Variants in VPS37B observed in about 807,000 individuals in gnomAD.
VPS37B encodes vacuolar protein sorting-associated protein 37B.
Under a neutral mutation model 21.2 loss-of-function variants are expected in VPS37B, and 11 were observed. The observed-to-expected ratio is 0.52, with a 90% confidence interval of 0.33 to 0.86. VPS37B has a LOEUF of 0.86. VPS37B is among the 40% of genes least tolerant of loss of function. VPS37B has a pLI of 0.03. For missense variants in VPS37B, 389 were observed against 374.8 expected (o/e 1.04, Z -0.31); for synonymous variants, 175 against 159.6 (o/e 1.10, Z -0.73).
At chr12:122,886,113 T>A (rs956930285) in intron 1 of VPS37B, 1 of 152,208 alleles carries the variant, frequency 6.6e-6, no homozygotes, top group Non-Finnish European at 1.5e-5. Flanking sequence ...ATTGTCCTTA[T>A]GAATATCAAG....
At position 122,870,959 on chromosome 12, in the gene VPS37B, G is replaced by A. The variant is rs139458326; in HGVS notation, c.214C>T (p.Arg72Cys). The A allele has an allele frequency of 6.6e-5, 107 of 1,614,048 alleles. No homozygotes were observed. The highest frequency in any genetic ancestry group is 2.9e-4 in the East Asian group (13 of 44,896). Reference protein sequence around the residue: ...YQPQLDTLKARLTQKYQELQV... With the variant: ...YQPQLDTLKACLTQKYQELQV... ...AGTTCCTGGTATTTCTGGGTCAAGC[G>A]TGCTTTCAACGTGTCCAGCTGGGGC... Residue 72 changes from arginine to cysteine, a missense_variant, in exon 2 of 4, where the codon CGC becomes TGC. Arg to Cys is a radical substitution (Grantham distance 180, BLOSUM62 -3). Coordinates refer to ENST00000267202, the MANE Select transcript of VPS37B (RefSeq NM_024667.3).
chr12:122,894,173 A>G (rs1437101524), intron 1 of VPS37B, among the ~76,000 whole-genome samples: 1 of 152,258 alleles, frequency 6.6e-6, no homozygotes, highest in Non-Finnish European at 1.5e-5. Context: ...CAGCAACTGA[A>G]AAGCAGAGAA....
At chr12:122,885,055 T>C (rs2034301383) in intron 1 of VPS37B, 1 of 152,224 alleles carries the variant, frequency 6.6e-6, no homozygotes, top group East Asian at 1.9e-4. Context: ...ACTCATCTTC[T>C]ATTCCGTTTA....
chr12:122,885,245 T>G (rs1358619496), intron 1 of VPS37B: 3 of 151,688 alleles, frequency 2.0e-5, no homozygotes, highest in Non-Finnish European at 2.9e-5. Context: ...GCCTAGACAC[T>G]TAAGACTTAC....
chr12:122,874,447 A>T (rs954705195), intron 1 of VPS37B: 2 of 152,216 alleles, frequency 1.3e-5, no homozygotes, highest in African/African-American at 4.8e-5. Context: ...ATGCATCTAC[A>T]AACAAAATCT....
Position 122,868,330 on chromosome 12 carries a change from C to T in VPS37B, c.366+150G>A, listed in dbSNP as rs374738576. ...CCTGCCTGGCACTTTCCCCAGCACA[C>T]AGGCCAGGCTGCCTGCTGGTATACA... is the stretch of plus-strand genomic sequence containing the variant. On this transcript the variant is annotated intron_variant, in intron 3 of 3. Transcript: ENST00000267202. This position sits in a 1 kb window ranked among gnomAD's most constrained non-coding sequence, Gnocchi z 5.5. 179 of 712,496 alleles carry T rather than the reference C, an allele frequency of 2.5e-4. No homozygotes were observed. In the East Asian group the frequency reaches 3.7e-3, roughly 15 times the overall value. The allele number at this position is 712,496 out of a possible 1,614,324, so 44.1% of individuals were successfully genotyped here. A position where few individuals can be genotyped will look rare whatever the true frequency, so the allele number is the denominator to read the frequency against.
In VPS37B at chr12:122,896,051, G is replaced by C. The variant is rs750950263; in HGVS notation, c.12C>G (p.Ala4=). 1.9e-5 allele frequency: 30 copies of C among 1,581,450 alleles called. No homozygotes were observed. Among genetic ancestry groups the C allele is most frequent in the Admixed American group, 3.5e-5 (2 of 57,652 alleles). The change falls in exon 1 of 4, where the codon GCC becomes GCG. Residue 4 remains alanine (A), a synonymous_variant. Transcript: ENST00000267202. Reference sequence around the variant, plus strand: ...GCCCGGCGAACCGGGCTTCGCTCCCGGCGCCCGCCATCCCCACGTCTCGGC... The same window carrying C: ...GCCCGGCGAACCGGGCTTCGCTCCCCGCGCCCGCCATCCCCACGTCTCGGC... MAG[A]GSEARFAGLS...
At chr12:122,872,440 C>G in intron 1 of VPS37B, 5 of 985,464 alleles carry the variant, frequency 5.1e-6, no homozygotes, top group Non-Finnish European at 6.0e-6. Flanking sequence ...TCTCCCAACT[C>G]TAAAGTAAAA....
chr12:122,879,266 TC>T (rs2034208875), intron 1 of VPS37B: 1 of 152,460 alleles, frequency 6.6e-6, no homozygotes. Flanking sequence ...CCACTGTCTA[TC>T]CTGCTCTGTG....
chr12:122,885,195 C>G (rs1280502934), intron 1 of VPS37B: 1 of 151,196 alleles, frequency 6.6e-6, no homozygotes, highest in Non-Finnish European at 1.5e-5. Context: ...ACTATATAAT[C>G]ATATTTCATG....
At chr12:122,878,010 G>A (rs2034183745) in intron 1 of VPS37B, 1 of 152,174 alleles carries the variant, frequency 6.6e-6, no homozygotes, top group Admixed American at 6.5e-5. Context: ...AGGAAGGTGA[G>A]GTTCCTTTCC....
intron 1 of VPS37B, chr12:122,872,066 T>C: frequency 1.0e-6 from 1 of 985,464 alleles, no homozygotes; most frequent in African/African-American, 1.7e-5. Context: ...TAATATTTTC[T>C]ACCACCCCAC....
At position 122,868,633 on chromosome 12, in the gene VPS37B, G is replaced by T; in HGVS notation, c.284-71C>A. The T allele has an allele frequency of 7.6e-7, 1 of 1,320,720 alleles. No homozygotes were observed. The highest frequency in any genetic ancestry group is 1.1e-6 in the Non-Finnish European group (1 of 935,110). 81.8% of individuals were successfully genotyped at this position (1,320,720 alleles called of 1,614,324 possible). A position where few individuals can be genotyped will look rare whatever the true frequency, so the allele number is the denominator to read the frequency against. ...TAAAGCCCTTCATGATGCCAACCAC[G>T]GCAGGATTGCACCTTCCTTTCCAGG... On this transcript the variant is annotated intron_variant, in intron 2 of 3. Coordinates refer to ENST00000267202, the MANE Select transcript of VPS37B (RefSeq NM_024667.3). This position sits in a 1 kb window ranked among gnomAD's most constrained non-coding sequence, Gnocchi z 5.5.
intron 1 of VPS37B, chr12:122,883,897 T>C (rs556364429): frequency 1.2e-4 from 18 of 152,372 alleles, no homozygotes; most frequent in African/African-American, 4.3e-4. Context: ...ATGGTTCTGA[T>C]AACTGGCATA....
rs368847799 is a variant in VPS37B, at chr12:122,868,577, A to G, written c.284-15T>C. ...AGACTGTCTGTCTGGAAAAAAAGCA[A>G]GAGGTATGACAAAAGTGAGAGGTGT... is the stretch of plus-strand genomic sequence containing the variant. On this transcript the variant is annotated splice_polypyrimidine_tract_variant and intron_variant, in intron 2 of 3. Coordinates refer to ENST00000267202, the MANE Select transcript of VPS37B (RefSeq NM_024667.3). This position sits in a 1 kb window ranked among gnomAD's most constrained non-coding sequence, Gnocchi z 5.5. The G allele has an allele frequency of 1.3e-4, 202 of 1,611,630 alleles. No individual in the cohort carries two copies. Among genetic ancestry groups the G allele is most frequent in the Non-Finnish European group, 1.6e-4 (193 of 1,179,038 alleles).
At chr12:122,893,174 ATTG>A (rs1242225772) in intron 1 of VPS37B, among the ~76,000 whole-genome samples, 1 of 152,182 alleles carries the variant, frequency 6.6e-6, no homozygotes, top group Non-Finnish European at 1.5e-5. Flanking sequence ...GGTATTAATG[ATTG>A]TCAGTCATCT....
chr12:122,868,562 T>C lies in VPS37B; in HGVS notation c.284A>G (p.Asp95Gly), dbSNP rs541020770. Reference protein sequence around the residue: ...EAYQIKKTKLDRQSSSASLET... With the variant: ...EAYQIKKTKLGRQSSSASLET... ...CAAGGAAGCACTGCTAGACTGTCTG[T>C]CTGGAAAAAAAGCAAGAGGTATGAC... The change falls in exon 3 of 4, where the codon GAC becomes GGC. Residue 95 changes from aspartate (D) to glycine (G), a missense_variant and splice_region_variant. Coordinates refer to ENST00000267202, the MANE Select transcript of VPS37B (RefSeq NM_024667.3). This position sits in a 1 kb window ranked among gnomAD's most constrained non-coding sequence, Gnocchi z 5.5. 4 of 1,613,102 alleles carry C rather than the reference T, an allele frequency of 2.5e-6. No homozygotes were observed. Among genetic ancestry groups the C allele is most frequent in the Non-Finnish European group, 3.4e-6 (4 of 1,179,682 alleles).
At chr12:122,871,526 G>A (rs1255397663) in intron 1 of VPS37B, 1 of 986,204 alleles carries the variant, frequency 1.0e-6, no homozygotes, top group Non-Finnish European at 1.2e-6. Flanking sequence ...AGGCTAAGAG[G>A]TCCAACCAGC....
chr12:122,890,363 ACT>A (rs1180122702), intron 1 of VPS37B, among the ~76,000 whole-genome samples: 1 of 148,580 alleles, frequency 6.7e-6, no homozygotes, highest in Non-Finnish European at 1.5e-5. Context: ...AGACAGCCTC[ACT>A]CTGTCACCCA....
Sources: allele counts gnomAD v4.1 joint callset (sites outside exome capture counted in the v4.1 genomes callset), GRCh38; gene constraint gnomAD v4.1.1; non-coding constraint Gnocchi (gnomAD v3.1); transcripts MANE v1.5; gene names NCBI Gene and HGNC (gene_info 2026-07-23, HGNC 2026-07-21).